Variants in CPT1A observed in about 807,000 individuals in gnomAD.
CPT1A encodes the protein carnitine palmitoyltransferase 1A, also known as carnitine O-palmitoyltransferase 1, liver isoform.
CPT1A carries 64 observed loss-of-function variants against 100.8 expected under a neutral mutation model. The observed-to-expected ratio is 0.63, with a 90% CI of 0.52 to 0.78. CPT1A has a LOEUF of 0.78. CPT1A is among the 30% of genes least tolerant of loss of function. CPT1A has a pLI of 0.00. For missense variants in CPT1A, 802 were observed against 1,034.1 expected (o/e 0.78, Z 3.08); for synonymous variants, 363 against 396.0 (o/e 0.92, Z 0.99).
chr11:68,811,768 G>C (rs145929557), intron 3 of CPT1A, among the ~76,000 whole-genome samples: 1,549 of 152,214 alleles, frequency 0.01, 9 homozygotes, highest in Non-Finnish European at 0.013. Flanking sequence ...CTCCAGAACT[G>C]GATGGAATAA....
At chr11:68,784,725 ATTCCCACAGGC>A (rs1288279539) in intron 10 of CPT1A, 79 bp downstream of exon 10, 6 of 1,308,044 alleles carry the variant, frequency 4.6e-6, no homozygotes, top group Non-Finnish European at 6.5e-6. Context: ...CCGTGCCAGG[ATTCCCACAGGC>A]CCTGGTGGGG....
Position 68,780,752 on chromosome 11 carries a change from G to A in CPT1A, c.1353-7C>T, listed in dbSNP as rs1855286810. Reference sequence around the variant, plus strand: ...GAACGACTTGTCAAACCACCTACGTGAAACACACATGTGTGGAACTTAAGT... The same window carrying A: ...GAACGACTTGTCAAACCACCTACGTAAAACACACATGTGTGGAACTTAAGT... On this transcript the variant is annotated splice_polypyrimidine_tract_variant and splice_region_variant and intron_variant, in intron 11 of 18. Coordinates refer to ENST00000265641, the MANE Select transcript of CPT1A (RefSeq NM_001876.4). The A allele has an allele frequency of 6.2e-7, 1 of 1,611,188 alleles. No homozygotes were observed. The highest frequency in any genetic ancestry group is 8.5e-7 in the Non-Finnish European group (1 of 1,177,318).
intron 4 of CPT1A, among the ~76,000 whole-genome samples, chr11:68,807,097 G>T (rs932952577): frequency 6.6e-6 from 1 of 152,180 alleles, no homozygotes; most frequent in African/African-American, 2.4e-5. Context: ...AGCTAAGTCT[G>T]AGTCACGGGA....
At chr11:68,821,834 C>T (rs1470015628) in intron 1 of CPT1A, among the ~76,000 whole-genome samples, 1 of 152,120 alleles carries the variant, frequency 6.6e-6, no homozygotes, top group Non-Finnish European at 1.5e-5. Flanking sequence ...CACCAGGGGT[C>T]TTGGAATGTA....
At chr11:68,767,519 G>A (rs1854842234) in intron 14 of CPT1A, among the ~76,000 whole-genome samples, 2 of 152,182 alleles carry the variant, frequency 1.3e-5, no homozygotes, top group South Asian at 2.1e-4. Flanking sequence ...CACCCAGGGA[G>A]GTCGAGGATG....
chr11:68,786,043 G>A, intron 9 of CPT1A: 1 of 702,316 alleles, frequency 1.4e-6, no homozygotes, highest in Non-Finnish European at 2.6e-6. Flanking sequence ...CGTCTAGTGA[G>A]GAAGACAAAT....
chr11:68,768,107 G>A (rs1405789839), intron 14 of CPT1A, among the ~76,000 whole-genome samples: 3 of 105,990 alleles, frequency 2.8e-5, no homozygotes, highest in Middle Eastern at 0.011. Flanking sequence ...AGGGAGTCTC[G>A]CACTGTCACC....
chr11:68,766,055 A>G (rs1344502423), intron 14 of CPT1A, among the ~76,000 whole-genome samples: 2 of 152,020 alleles, frequency 1.3e-5, no homozygotes, highest in Non-Finnish European at 2.9e-5. Flanking sequence ...TATTTTTAGT[A>G]GAGACGCGTT....
At chr11:68,802,971 AG>A (rs1855946500) in intron 5 of CPT1A, among the ~76,000 whole-genome samples, 1 of 151,306 alleles carries the variant, frequency 6.6e-6, no homozygotes, top group Non-Finnish European at 1.5e-5. Context: ...CAGGCTTTCT[AG>A]GTAGTGCCTT....
chr11:68,787,885 A>C (rs1296123889), intron 9 of CPT1A, among the ~76,000 whole-genome samples: 1 of 149,354 alleles, frequency 6.7e-6, no homozygotes, highest in Non-Finnish European at 1.5e-5. Flanking sequence ...TGGAGGTTGC[A>C]GTGAGCCGAG....
intron 14 of CPT1A, among the ~76,000 whole-genome samples, chr11:68,763,022 A>T (rs1243613473): frequency 2.6e-5 from 4 of 151,616 alleles, no homozygotes; most frequent in Non-Finnish European, 4.4e-5. Flanking sequence ...TTTTTTTAAA[A>T]TTTTTTTTGT....
intron 7 of CPT1A, among the ~76,000 whole-genome samples, chr11:68,795,802 C>A (rs1184809136): frequency 6.6e-6 from 1 of 151,368 alleles, no homozygotes. Context: ...CCCAGCTACT[C>A]GGGAGGCTGA....
In CPT1A at chr11:68,757,458, G is replaced by C. The variant is rs1946713380; in HGVS notation, c.*186C>G. 2.1e-6 allele frequency: 3 copies of C among 1,461,954 alleles called. No individual in the cohort carries two copies. The highest frequency in any genetic ancestry group is 2.5e-5 in the Admixed American group (1 of 40,246). 90.6% of individuals were successfully genotyped at this position (1,461,954 alleles called of 1,614,324 possible). A position where few individuals can be genotyped will look rare whatever the true frequency, so the allele number is the denominator to read the frequency against. On this transcript the variant is annotated 3_prime_UTR_variant, in exon 19 of 19. Transcript: ENST00000265641. ...CCAAGGGAGGGCAAGTCTGGAAGTAGTGGGGTTATGCTTCACAGGGGAGAG... is the reference window on the plus strand; with the variant it reads ...CCAAGGGAGGGCAAGTCTGGAAGTACTGGGGTTATGCTTCACAGGGGAGAG...
At chr11:68,834,752 T>TA (rs1161331815) in intron 1 of CPT1A, among the ~76,000 whole-genome samples, 2 of 151,610 alleles carry the variant, frequency 1.3e-5, no homozygotes, top group African/African-American at 4.8e-5. Flanking sequence ...CCAAGTACTG[T>TA]AAAAATTAAG....
At chr11:68,762,038 G>A (rs941727512) in intron 15 of CPT1A, among the ~76,000 whole-genome samples, 1 of 152,216 alleles carries the variant, frequency 6.6e-6, no homozygotes, top group Non-Finnish European at 1.5e-5. Flanking sequence ...CTGGAGTCAG[G>A]CGGACCCAGT....
At position 68,841,906 on chromosome 11, in the gene CPT1A, A is replaced by T; in HGVS notation, c.-145T>A. The T allele has an allele frequency of 6.1e-6, 6 of 985,896 alleles. No homozygotes were observed. The highest frequency in any genetic ancestry group is 7.2e-6 in the Non-Finnish European group (6 of 830,288). The allele number at this position is 985,896 out of a possible 1,614,324, so 61.1% of individuals were successfully genotyped here. On this transcript the variant is annotated 5_prime_UTR_variant, in exon 1 of 19. Coordinates refer to ENST00000265641, the MANE Select transcript of CPT1A (RefSeq NM_001876.4). This position sits in a 1 kb window ranked among gnomAD's most constrained non-coding sequence, Gnocchi z 6.3. ...GAGGCCGAGCGCACCCGACGCCGGC[A>T]GCAGCGGATTGGCTGAGGCGGGTCC...
In CPT1A at chr11:68,761,619, C is replaced by A. The variant is rs1042056896; in HGVS notation, c.1944G>T (p.Met648Ile). Residue 648 changes from methionine (M) to isoleucine (I), a missense_variant, in exon 16 of 19, where the codon ATG (methionine) becomes ATT (isoleucine). This residue lies in a region of CPT1A where 627 missense variants were observed against 799.3 expected (regional missense o/e 0.78). Transcript: ENST00000265641. ...GGTGACGATCGATCCCAGAGCCGGT[C>A]ATGGCGAGGCGATACATATGCTGAT... ...EKHQHMYRLAMTGSGIDRHLF... is the reference protein window; with the variant it reads ...EKHQHMYRLAITGSGIDRHLF... 6.2e-7 allele frequency: 1 copy of A among 1,614,126 alleles called. No individual in the cohort carries two copies. Among genetic ancestry groups the A allele is most frequent in the African/African-American group, 1.3e-5 (1 of 75,022 alleles).
chr11:68,825,543 C>T (rs558497327), intron 1 of CPT1A, among the ~76,000 whole-genome samples: 80 of 152,274 alleles, frequency 5.3e-4, no homozygotes, highest in African/African-American at 1.9e-3. Flanking sequence ...GTCCCCACTA[C>T]CCACAATCTG....
chr11:68,838,571 T>TAAAAAAAAAAAAACAAAAAA (rs1177976460), intron 1 of CPT1A, among the ~76,000 whole-genome samples: 1 of 74,210 alleles, frequency 1.3e-5, no homozygotes, highest in Non-Finnish European at 2.1e-5. Flanking sequence ...CTGCACCTTT[T>TAAAAAAAAAAAAACAAAAAA]TAAAAAAAAA....
Sources: allele counts gnomAD v4.1 joint callset (sites outside exome capture counted in the v4.1 genomes callset), GRCh38; gene constraint gnomAD v4.1.1; regional missense constraint gnomAD v4.1.1; non-coding constraint Gnocchi (gnomAD v3.1); transcripts MANE v1.5; gene names NCBI Gene and HGNC (gene_info 2026-07-23, HGNC 2026-07-21).